The following LARGE1 variants were observed in gnomAD, a reference collection of about 807,000 sequenced individuals.
LARGE1 encodes xylosyl- and glucuronyltransferase LARGE1.
LARGE1 carries 43 observed loss-of-function variants against 87.6 expected under a neutral mutation model. That is an observed-to-expected ratio of 0.49 (90% CI 0.38 to 0.63). LARGE1 has a LOEUF of 0.63. LARGE1 is among the 30% of genes least tolerant of loss of function. The pLI, the probability that LARGE1 is intolerant of heterozygous loss-of-function variation, is 0.00. For synonymous variants in LARGE1, 434 were observed against 394.6 expected (o/e 1.10, Z -1.18); for missense variants, 802 against 1,000.2 (o/e 0.80, Z 2.67).
intron 6 of LARGE1, among the ~76,000 whole-genome samples, chr22:33,445,371 T>C (rs1569169190): frequency 6.6e-6 from 1 of 152,112 alleles, no homozygotes; most frequent in Non-Finnish European, 1.5e-5. Context: ...ATGGCTGAGA[T>C]AGAGAGGTCC....
the LARGE1 span, among the ~76,000 whole-genome samples, chr22:33,133,100 T>TA: frequency 6.6e-6 from 1 of 152,172 alleles, no homozygotes; most frequent in Non-Finnish European, 1.5e-5. Flanking sequence ...GTTCATATAG[T>TA]AAAAAAATAT....
chr22:33,328,077 T>C (rs1277125837), intron 10 of LARGE1, among the ~76,000 whole-genome samples: 1 of 152,138 alleles, frequency 6.6e-6, no homozygotes, highest in East Asian at 1.9e-4. Context: ...TAAGTCATGA[T>C]TATATTAGTG....
chr22:33,694,005 C>T (rs567400674), intron 2 of LARGE1, among the ~76,000 whole-genome samples: 66 of 152,332 alleles, frequency 4.3e-4, no homozygotes, highest in African/African-American at 1.4e-3. Context: ...GGAGCAGTAT[C>T]TGCTCACAGT....
intron 11 of LARGE1, among the ~76,000 whole-genome samples, chr22:33,223,441 C>T (rs966280633): frequency 6.6e-6 from 1 of 152,166 alleles, no homozygotes; most frequent in African/African-American, 2.4e-5. Flanking sequence ...TTATAGTAGG[C>T]TGATTGGGAT....
At chr22:33,506,969 C>G (rs1246661770) in intron 6 of LARGE1, among the ~76,000 whole-genome samples, 1 of 152,150 alleles carries the variant, frequency 6.6e-6, no homozygotes, top group African/African-American at 2.4e-5. Context: ...GACTTCATGT[C>G]AGCTATTTGG....
At chr22:33,406,124 C>G (rs961771168) in intron 7 of LARGE1, among the ~76,000 whole-genome samples, 1 of 152,166 alleles carries the variant, frequency 6.6e-6, no homozygotes, top group African/African-American at 2.4e-5. Context: ...TCTGATGATA[C>G]ATTCTCATTA....
At chr22:33,332,561 G>A (rs1937866691) in intron 10 of LARGE1, among the ~76,000 whole-genome samples, 1 of 152,218 alleles carries the variant, frequency 6.6e-6, no homozygotes, top group Non-Finnish European at 1.5e-5. Flanking sequence ...CAAGTCCAAA[G>A]AAGAGGTTCC....
intron 1 of LARGE1, among the ~76,000 whole-genome samples, chr22:33,913,256 CT>C (rs2065689074): frequency 6.6e-6 from 1 of 152,212 alleles, no homozygotes; most frequent in African/African-American, 2.4e-5. Context: ...ACCTAATTTA[CT>C]TTTTAAACCA....
intron 6 of LARGE1, among the ~76,000 whole-genome samples, chr22:33,457,122 T>G (rs1458941327): frequency 2.0e-5 from 3 of 151,946 alleles, no homozygotes; most frequent in Admixed American, 2.0e-4. Flanking sequence ...CTGAACATAA[T>G]TTTTATTTAT....
rs919216084 is a variant in LARGE1, at chr22:33,334,423, CAA to C, written c.1287+3221_1287+3222del. Among the ~76,000 whole-genome samples the C allele has an allele frequency of 1.9e-3, 99 of 52,372 alleles. 1 individual carries two copies. Among genetic ancestry groups the C allele is most frequent in the African/African-American group, 0.011 (95 of 8,594 alleles). The allele number at this position is 52,372 out of a possible 152,430, so 34.4% of individuals were successfully genotyped here. ...AGACTCTGTCTCAAAAAAAAAAAAA[CAA>C]AAAAAAAAAACACCAAACAAAAAGA... On this transcript the variant is annotated intron_variant, in intron 10 of 14. Transcript: ENST00000397394.
At chr22:33,192,288 TAACTC>T (rs1602069796) in intron 11 of LARGE1, among the ~76,000 whole-genome samples, 1 of 152,224 alleles carries the variant, frequency 6.6e-6, no homozygotes, top group African/African-American at 2.4e-5. Flanking sequence ...ACTTGTGTGT[TAACTC>T]AACCCTCAAA....
At chr22:33,099,477 C>T in the LARGE1 span, among the ~76,000 whole-genome samples, 2 of 152,140 alleles carry the variant, frequency 1.3e-5, no homozygotes, top group South Asian at 4.1e-4. Context: ...GTCTCAAACT[C>T]CTGACCTCAG....
Position 33,652,133 on chromosome 22 carries a change from A to G in LARGE1, c.107-1465T>C, listed in dbSNP as rs140059729. Among the ~76,000 whole-genome samples, 260 of 152,232 alleles carry G rather than the reference A, an allele frequency of 1.7e-3. 1 individual carries two copies. The highest frequency in any genetic ancestry group is 2.9e-3 in the Non-Finnish European group (198 of 68,016). On this transcript the variant is annotated intron_variant, in intron 2 of 14. Coordinates refer to ENST00000397394, the MANE Select transcript of LARGE1 (RefSeq NM_133642.5). The stretch of plus-strand genomic sequence containing the variant: ...AGGGGTTGCAGTAAGCCGAGATTGC[A>G]CCACTGCATTCCAGCCTGGCGACAG...
chr22:33,570,369 G>C (rs1415773774), intron 5 of LARGE1, among the ~76,000 whole-genome samples: 1 of 152,122 alleles, frequency 6.6e-6, no homozygotes, highest in Non-Finnish European at 1.5e-5. Context: ...GGTTTTGTCA[G>C]GGGAAATAAG....
the LARGE1 span, among the ~76,000 whole-genome samples, chr22:33,140,297 C>A: frequency 6.6e-6 from 1 of 151,986 alleles, no homozygotes; most frequent in Non-Finnish European, 1.5e-5. Context: ...CCACCCAGAG[C>A]AGTGCTCCAT....
At chr22:33,320,258 C>G (rs938034250) in intron 10 of LARGE1, among the ~76,000 whole-genome samples, 2 of 152,132 alleles carry the variant, frequency 1.3e-5, no homozygotes, top group Non-Finnish European at 2.9e-5. Flanking sequence ...GCCTTTCCCT[C>G]ACACCTCCGT....
intron 2 of LARGE1, among the ~76,000 whole-genome samples, chr22:33,671,387 A>G (rs1481390584): frequency 6.6e-6 from 1 of 152,228 alleles, no homozygotes; most frequent in African/African-American, 2.4e-5. Context: ...AACCAAAGTA[A>G]ATACTATACG....
intron 11 of LARGE1, among the ~76,000 whole-genome samples, chr22:33,223,653 C>T (rs1189844957): frequency 6.6e-6 from 1 of 152,178 alleles, no homozygotes; most frequent in Non-Finnish European, 1.5e-5. Context: ...ACAGAAGCAG[C>T]CCTCATGCAA....
chr22:33,203,822 C>T (rs764174020), intron 11 of LARGE1, among the ~76,000 whole-genome samples: 5 of 152,142 alleles, frequency 3.3e-5, no homozygotes, highest in Non-Finnish European at 5.9e-5. Flanking sequence ...ATCTGTGAAC[C>T]CCTGCCTGAT....
Sources: allele counts gnomAD v4.1 joint callset (sites outside exome capture counted in the v4.1 genomes callset), GRCh38; gene constraint gnomAD v4.1.1; transcripts MANE v1.5; gene names NCBI Gene and HGNC (gene_info 2026-07-23, HGNC 2026-07-21).